The following CX3CR1 variants were observed in gnomAD, a reference collection of about 807,000 sequenced individuals.
CX3CR1 encodes CX3C chemokine receptor 1.
For missense variants in CX3CR1, 363 were observed against 432.4 expected (o/e 0.84, Z 1.42); for synonymous variants, 168 against 178.5 (o/e 0.94, Z 0.47).
upstream of CX3CR1, among the ~76,000 whole-genome samples, chr3:39,283,794 A>ATAT (rs2040924859): frequency 8.6e-5 from 5 of 58,340 alleles, no homozygotes; most frequent in Non-Finnish European, 9.8e-5. Context: ...AAAAAAAAAA[A>ATAT]TTATATATAT....
In CX3CR1 at chr3:39,265,261, T is replaced by C; in HGVS notation, c.*181A>G. Reference sequence around the variant, plus strand: ...GTCTACTCTTTGTCATTCAAAGAGTTCAATTTGTTCATTCTTCAAATTTTG... The same window carrying C: ...GTCTACTCTTTGTCATTCAAAGAGTCCAATTTGTTCATTCTTCAAATTTTG... On this transcript the variant is annotated 3_prime_UTR_variant, in exon 2 of 2. Coordinates refer to ENST00000399220, the MANE Select transcript of CX3CR1 (RefSeq NM_001337.4). The C allele has an allele frequency of 1.7e-6, 1 of 593,270 alleles. No individual in the cohort carries two copies. Among genetic ancestry groups the C allele is most frequent in the Non-Finnish European group, 2.9e-6 (1 of 346,368 alleles). 36.8% of individuals were successfully genotyped at this position (593,270 alleles called of 1,614,324 possible). A position where few individuals can be genotyped will look rare whatever the true frequency, so the allele number is the denominator to read the frequency against.
upstream of CX3CR1, chr3:39,281,745 C>T: frequency 7.2e-7 from 1 of 1,397,122 alleles, no homozygotes; most frequent in Non-Finnish European, 9.9e-7. Flanking sequence ...CTTCTCACTT[C>T]CTACTGTGCT....
intron 1 of CX3CR1, among the ~76,000 whole-genome samples, chr3:39,276,833 A>G (rs1291842629): frequency 3.9e-5 from 6 of 152,234 alleles, no homozygotes; most frequent in African/African-American, 1.4e-4. Context: ...TGATATTTAG[A>G]TTCAGTCAAA....
At chr3:39,275,597 C>A (rs563535322) in intron 1 of CX3CR1, among the ~76,000 whole-genome samples, 1 of 152,176 alleles carries the variant, frequency 6.6e-6, no homozygotes, top group African/African-American at 2.4e-5. Context: ...GGGGAGATTT[C>A]TTTCTGTTCT....
At chr3:39,274,481 C>CAAAAAAAA (rs10663570) in intron 1 of CX3CR1, among the ~76,000 whole-genome samples, 1 of 88,296 alleles carries the variant, frequency 1.1e-5, no homozygotes, top group Non-Finnish European at 2.2e-5. Context: ...CAACCACCAC[C>CAAAAAAAA]AAAAAAAAAA....
chr3:39,265,497 A>C lies in CX3CR1; in HGVS notation c.1013T>G (p.Leu338Arg). Residue 338 changes from leucine (L) to arginine (R), a missense_variant, in exon 2 of 2, where the codon CTG becomes CGG. Coordinates refer to ENST00000399220, the MANE Select transcript of CX3CR1 (RefSeq NM_001337.4). Reference sequence around the variant, plus strand: ...CGTGTGGTAAGTAAAATTGCTGCTCAGAACACTTCCATGCCTGCTCCTTTG... The same window carrying C: ...CGTGTGGTAAGTAAAATTGCTGCTCCGAACACTTCCATGCCTGCTCCTTTG... ...ESQRSRHGSV[L>R]SSNFTYHTSD... The C allele has an allele frequency of 6.2e-7, 1 of 1,614,240 alleles. No homozygotes were observed. The highest frequency in any genetic ancestry group is 2.2e-5 in the East Asian group (1 of 44,888).
Position 39,265,612 on chromosome 3 carries a change from ACTT to A in CX3CR1, c.895_897del (p.Lys299del). On this transcript the variant is annotated inframe_deletion, in exon 2 of 2. Coordinates refer to ENST00000399220, the MANE Select transcript of CX3CR1 (RefSeq NM_001337.4). ...TACAGGTGGTAAAGGTATCTTCTGA[ACTT>A]CTCCCCAGCAAATGCATAGATGAGA... 1 of 1,614,156 alleles carries A rather than the reference ACTT, an allele frequency of 6.2e-7. No homozygotes were observed. The highest frequency in any genetic ancestry group is 8.5e-7 in the Non-Finnish European group (1 of 1,180,032).
At chr3:39,282,933 C>T (rs984261075), upstream of CX3CR1, among the ~76,000 whole-genome samples, 2 of 152,246 alleles carry the variant, frequency 1.3e-5, no homozygotes, top group Admixed American at 1.3e-4. Context: ...GCTCTGTTAT[C>T]CAGGCTGGAG....
At chr3:39,273,640 A>G (rs1444227934) in intron 1 of CX3CR1, among the ~76,000 whole-genome samples, 1 of 152,124 alleles carries the variant, frequency 6.6e-6, no homozygotes, top group African/African-American at 2.4e-5. Context: ...AATCAAACAG[A>G]AGGAAACTGT....
chr3:39,280,260 G>C (rs1410545967), upstream of CX3CR1: 1 of 985,716 alleles, frequency 1.0e-6, no homozygotes. Flanking sequence ...CCAACCTGGA[G>C]GTGGGGGGCA....
chr3:39,283,740 AC>A (rs1651398463), upstream of CX3CR1, among the ~76,000 whole-genome samples: 1 of 143,850 alleles, frequency 7.0e-6, no homozygotes, highest in African/African-American at 2.6e-5. Context: ...AGATAGCGCC[AC>A]TGCACTCCAG....
In CX3CR1 at chr3:39,265,830, G is replaced by C. The variant is rs776940684; in HGVS notation, c.680C>G (p.Ala227Gly). ...TLFSCKNHKK[A>G]KAIKLILLVV... ...CAGAAGGATCAGTTTAATGGCTTTG[G>C]CTTTCTTGTGGTTCTTGCAGGAAAA... The change falls in exon 2 of 2, where the codon GCC becomes GGC. Residue 227 changes from alanine (A) to glycine (G), a missense_variant. Ala to Gly is a moderately conservative substitution (Grantham distance 60, BLOSUM62 0). Transcript: ENST00000399220. The C allele has an allele frequency of 6.2e-7, 1 of 1,614,186 alleles. No homozygotes were observed. Among genetic ancestry groups the C allele is most frequent in the Non-Finnish European group, 8.5e-7 (1 of 1,180,002 alleles).
the CX3CR1 span, among the ~76,000 whole-genome samples, chr3:39,292,150 G>A: frequency 6.6e-6 from 1 of 152,240 alleles, no homozygotes; most frequent in Non-Finnish European, 1.5e-5. Flanking sequence ...CTTGGGTCAG[G>A]CCCTGTGCAC....
chr3:39,285,704 T>C (rs2040938551), upstream of CX3CR1, among the ~76,000 whole-genome samples: 1 of 152,230 alleles, frequency 6.6e-6, no homozygotes. Context: ...AAAAATCTGC[T>C]CTCTCACCAA....
At chr3:39,292,497 G>A in the CX3CR1 span, among the ~76,000 whole-genome samples, 6 of 152,134 alleles carry the variant, frequency 3.9e-5, no homozygotes, top group African/African-American at 1.2e-4. Context: ...TGCAAAGCAG[G>A]GTTTTTTAGG....
At chr3:39,283,670 C>T (rs956132892), upstream of CX3CR1, among the ~76,000 whole-genome samples, 1 of 150,340 alleles carries the variant, frequency 6.7e-6, no homozygotes, top group Non-Finnish European at 1.5e-5. Context: ...ATCCCAACTA[C>T]TTGGGAGGCT....
In CX3CR1 at chr3:39,266,274, A is replaced by T; in HGVS notation, c.236T>A (p.Leu79Gln). ...CCAGAAGGGCAAAGTGGCTACAAAC[A>T]GCAGATCAGACAAGGCCAGGTTCAG... ...YLLNLALSDLLFVATLPFWTH... is the reference protein window; with the variant it reads ...YLLNLALSDLQFVATLPFWTH... The change falls in exon 2 of 2, where the codon CTG becomes CAG. Residue 79 changes from leucine (L) to glutamine (Q), a missense_variant. Transcript: ENST00000399220. The T allele has an allele frequency of 1.2e-6, 2 of 1,614,236 alleles. No individual in the cohort carries two copies. Among genetic ancestry groups the T allele is most frequent in the Non-Finnish European group, 1.7e-6 (2 of 1,180,044 alleles).
Position 39,265,399 on chromosome 3 carries a change from G to A in CX3CR1, c.*43C>T. 1 of 1,538,522 alleles carries A rather than the reference G, an allele frequency of 6.5e-7. No homozygotes were observed. The highest frequency in any genetic ancestry group is 8.7e-7 in the Non-Finnish European group (1 of 1,143,880). ...TCCTCACTAGTCAGCATCAGGTTCA[G>A]GAACTCCAGGTTCTCTGTAGACACA... On this transcript the variant is annotated 3_prime_UTR_variant, in exon 2 of 2. Coordinates refer to ENST00000399220, the MANE Select transcript of CX3CR1 (RefSeq NM_001337.4).
At chr3:39,284,592 C>T (rs1489186225), upstream of CX3CR1, among the ~76,000 whole-genome samples, 5 of 152,206 alleles carry the variant, frequency 3.3e-5, no homozygotes, top group African/African-American at 4.8e-5. Context: ...GTGAGGGAAA[C>T]GGCTGCATAA....
Sources: gnomAD v4.1 joint callset for allele counts (sites outside exome capture counted in the v4.1 genomes callset) on GRCh38, gnomAD v4.1.1 for gene constraint, MANE v1.5 for transcripts, NCBI Gene and HGNC (gene_info 2026-07-23, HGNC 2026-07-21) for gene names.